The following ARNT variants were observed in gnomAD, a reference collection of about 807,000 sequenced individuals.
ARNT encodes class E basic helix-loop-helix protein 2.
Under a neutral mutation model 105.0 loss-of-function variants are expected in ARNT, and 30 were observed. The ratio of observed to expected loss-of-function variants is 0.29; its 90% CI spans 0.21 to 0.39. The LOEUF (loss-of-function observed/expected upper bound fraction) is 0.39. ARNT is among the 10% of genes least tolerant of loss of function. ARNT has a pLI of 1.00. For synonymous variants in ARNT, 304 were observed against 344.0 expected, an observed-to-expected ratio of 0.88 and a Z score of 1.29; for missense variants, 748 against 978.7, an observed-to-expected ratio of 0.76 and a Z score of 3.15.
intron 4 of ARNT, 65 bp downstream of exon 4, chr1:150,846,198 G>C: frequency 7.1e-7 from 1 of 1,403,032 alleles, no homozygotes; most frequent in Middle Eastern, 1.8e-4. Context: ...AATATGCTAG[G>C]ACTGTCTGGT....
chr1:150,845,376 G>A (rs932871446), intron 4 of ARNT, among the ~76,000 whole-genome samples: 1 of 151,810 alleles, frequency 6.6e-6, no homozygotes, highest in African/African-American at 2.4e-5. Context: ...TGAGGTGGGT[G>A]AATCGCTTGA....
chr1:150,824,545 C>G (rs906516984), intron 13 of ARNT, among the ~76,000 whole-genome samples: 3 of 151,516 alleles, frequency 2.0e-5, no homozygotes, highest in Non-Finnish European at 4.4e-5. Context: ...ACCTCGCCTC[C>G]AGGGTTCAAG....
intron 1 of ARNT, among the ~76,000 whole-genome samples, chr1:150,865,702 G>A (rs1044646700): frequency 3.3e-5 from 5 of 152,216 alleles, no homozygotes; most frequent in Non-Finnish European, 4.4e-5. Flanking sequence ...TGAGGGACCC[G>A]TACTGAAAAC....
chr1:150,874,018 T>TAAAAAAAAAAAAAAAAAAAAAAA, intron 1 of ARNT, among the ~76,000 whole-genome samples: 1 of 64,420 alleles, frequency 1.6e-5, no homozygotes, highest in Middle Eastern at 0.013. Context: ...ACAAGAATTG[T>TAAAAAAAAAAAAAAAAAAAAAAA]AAAAAAAAAA....
intron 14 of ARNT, 26 bp from the exon 15 acceptor site, chr1:150,818,056 GA>G (rs1656301018): frequency 6.5e-7 from 1 of 1,528,724 alleles, no homozygotes; most frequent in East Asian, 2.3e-5. Context: ...AGACAGTAAA[GA>G]GGGGGTGGAG....
chr1:150,851,928 G>A (rs1019316891), intron 3 of ARNT, among the ~76,000 whole-genome samples: 4 of 151,834 alleles, frequency 2.6e-5, no homozygotes, highest in Non-Finnish European at 5.9e-5. Context: ...CGCACCTGTA[G>A]TCCCGGCTAC....
chr1:150,852,739 A>G (rs1381491111), intron 3 of ARNT, 23 bp downstream of exon 3: 12 of 1,598,080 alleles, frequency 7.5e-6, no homozygotes, highest in Non-Finnish European at 1.0e-5. Context: ...CAGACATCTA[A>G]GGAAAGTTTT....
chr1:150,814,021 T>A, intron 20 of ARNT, 56 bp downstream of exon 20: 1 of 1,589,290 alleles, frequency 6.3e-7, no homozygotes, highest in South Asian at 1.1e-5. Flanking sequence ...AACTACCAAA[T>A]CCTTTCTCTT....
intron 3 of ARNT, among the ~76,000 whole-genome samples, chr1:150,850,826 T>G (rs587638916): frequency 1.3e-5 from 2 of 150,324 alleles, no homozygotes. Flanking sequence ...CCATCCCGTC[T>G]AGGAAGTGAG....
chr1:150,846,817 T>C (rs1285779770), intron 3 of ARNT, among the ~76,000 whole-genome samples: 3 of 152,204 alleles, frequency 2.0e-5, no homozygotes, highest in Non-Finnish European at 4.4e-5. Flanking sequence ...TTACTTTCTG[T>C]GTCTATGAAT....
chr1:150,860,286 G>C (rs587732484), intron 1 of ARNT, among the ~76,000 whole-genome samples: 1 of 140,314 alleles, frequency 7.1e-6, no homozygotes, highest in South Asian at 2.4e-4. Context: ...CGCAATCTTG[G>C]CTCCCTGCAA....
rs587650789 is a variant in ARNT, at chr1:150,823,867, G to A, written c.1243-522C>T. ...GCCCAGACTTTTTTTTTTTTGAGAC[G>A]GAGTCTCGCTCTGTCACCAGGCTAG... On this transcript the variant is annotated intron_variant, in intron 13 of 21. Coordinates refer to ENST00000358595, the MANE Select transcript of ARNT (RefSeq NM_001668.4). Among the ~76,000 whole-genome samples, 357 of 142,488 alleles carry A rather than the reference G, an allele frequency of 2.5e-3. 1 individual carries two copies. Among genetic ancestry groups the A allele is most frequent in the African/African-American group, 8.9e-3 (341 of 38,114 alleles). 93.5% of individuals were successfully genotyped at this position (142,488 alleles called of 152,430 possible).
intron 1 of ARNT, among the ~76,000 whole-genome samples, chr1:150,869,281 T>A (rs761458854): frequency 6.6e-6 from 1 of 152,068 alleles, no homozygotes; most frequent in African/African-American, 2.4e-5. Context: ...ATCGAGGCCA[T>A]CCTGGCTAAC....
chr1:150,819,406 A>G (rs1268698660), intron 14 of ARNT, among the ~76,000 whole-genome samples: 2 of 152,158 alleles, frequency 1.3e-5, no homozygotes, highest in African/African-American at 4.8e-5. Flanking sequence ...AAAAACATAT[A>G]TCCACATAAA....
intron 1 of ARNT, among the ~76,000 whole-genome samples, chr1:150,874,907 A>T (rs951466675): frequency 2.0e-5 from 3 of 152,180 alleles, no homozygotes; most frequent in African/African-American, 7.2e-5. Context: ...GCTTATGAAA[A>T]TATGGTCAAG....
At chr1:150,825,576 C>T (rs879278500) in intron 13 of ARNT, among the ~76,000 whole-genome samples, 6 of 152,082 alleles carry the variant, frequency 3.9e-5, no homozygotes, top group African/African-American at 9.7e-5. Context: ...CTAGGCTGGG[C>T]GCAATGGCTC....
chr1:150,817,027 C>T (rs1656026646), intron 17 of ARNT, 55 bp downstream of exon 17: 1 of 1,611,944 alleles, frequency 6.2e-7, no homozygotes, highest in Admixed American at 1.7e-5. Context: ...AGTGGCATGC[C>T]CATCAGTAAG....
In ARNT at chr1:150,856,327, C is replaced by G. The variant is rs368465087; in HGVS notation, c.137+2022G>C. Among the ~76,000 whole-genome samples, 487 of 152,202 alleles carry G rather than the reference C, an allele frequency of 3.2e-3. 6 individuals are homozygous for G. In the Middle Eastern group the frequency reaches 0.041, roughly 13 times the overall value. On this transcript the variant is annotated intron_variant, in intron 2 of 21. Coordinates refer to ENST00000358595, the MANE Select transcript of ARNT (RefSeq NM_001668.4). ...TCATGGCGGGCGCCTGTAGTCCCAG[C>G]TACTCGGGAGGCTGAGACAGGAGAA...
rs1436906292 is a variant in ARNT, at chr1:150,810,232, A to G, written c.*1789T>C. ...AAAACAGTCAAAAATAAAACCCTGAAGGAAAAGCAAAAACAAAACCCCCAG... is the reference window on the plus strand; with the variant it reads ...AAAACAGTCAAAAATAAAACCCTGAGGGAAAAGCAAAAACAAAACCCCCAG... On this transcript the variant is annotated 3_prime_UTR_variant, in exon 22 of 22. Transcript: ENST00000358595. The G allele has an allele frequency of 4.3e-6, 1 of 233,072 alleles. No individual in the cohort carries two copies. The highest frequency in any genetic ancestry group is 8.5e-6 in the Non-Finnish European group (1 of 117,676). 14.4% of individuals were successfully genotyped at this position (233,072 alleles called of 1,614,324 possible).
Sources: gnomAD v4.1 joint callset for allele counts (sites outside exome capture counted in the v4.1 genomes callset) on GRCh38, gnomAD v4.1.1 for gene constraint, MANE v1.5 for transcripts, NCBI Gene and HGNC (gene_info 2026-07-23, HGNC 2026-07-21) for gene names.